PAK5: variants seen among roughly 807,000 people sequenced by gnomAD.
PAK5 encodes serine/threonine-protein kinase PAK 5.
A neutral mutation model predicts 65.9 loss-of-function variants in PAK5; 16 were observed. That is an observed-to-expected ratio of 0.24 (90% CI 0.16 to 0.37). PAK5 has a LOEUF of 0.37. Ranked by LOEUF, PAK5 falls within the 10% of genes least tolerant of loss-of-function variation. The pLI is 1.00. For synonymous variants in PAK5, 371 were observed against 354.9 expected (o/e 1.05, Z -0.51); for missense variants, 785 against 903.9 (o/e 0.87, Z 1.69).
intron 1 of PAK5, among the ~76,000 whole-genome samples, chr20:9,800,621 C>A (rs972209639): frequency 1.2e-4 from 19 of 152,048 alleles, no homozygotes; most frequent in African/African-American, 4.3e-4. Flanking sequence ...TTCATTGTGA[C>A]TGTTTTGGTA....
chr20:9,678,936 T>A (rs1249628728), intron 2 of PAK5, among the ~76,000 whole-genome samples: 1 of 152,130 alleles, frequency 6.6e-6, no homozygotes, highest in Admixed American at 6.5e-5. Flanking sequence ...AAGCCTTAGC[T>A]GATATTCCCA....
chr20:9,694,213 C>T (rs932787646), intron 2 of PAK5, among the ~76,000 whole-genome samples: 4 of 151,806 alleles, frequency 2.6e-5, no homozygotes, highest in African/African-American at 9.7e-5. Flanking sequence ...TTCTGAAGGT[C>T]AATTGCAAAC....
intron 1 of PAK5, among the ~76,000 whole-genome samples, chr20:9,797,679 G>GA (rs145184687): frequency 3.9e-4 from 56 of 143,864 alleles, no homozygotes; most frequent in South Asian, 2.8e-3. Flanking sequence ...AAGAGCACAA[G>GA]AAAAAAAAAA....
At chr20:9,611,578 C>T (rs2046561003) in intron 3 of PAK5, among the ~76,000 whole-genome samples, 1 of 152,220 alleles carries the variant, frequency 6.6e-6, no homozygotes, top group African/African-American at 2.4e-5. Context: ...AAGGTCTAGT[C>T]ACCCCTTTGA....
At chr20:9,826,249 T>C (rs901717545) in intron 1 of PAK5, among the ~76,000 whole-genome samples, 1 of 152,182 alleles carries the variant, frequency 6.6e-6, no homozygotes, top group East Asian at 1.9e-4. Context: ...ACAGAACACA[T>C]CTATACCACA....
chr20:9,781,886 C>T (rs1453949125), intron 1 of PAK5, among the ~76,000 whole-genome samples: 1 of 152,128 alleles, frequency 6.6e-6, no homozygotes, highest in Non-Finnish European at 1.5e-5. Flanking sequence ...GAACAGGTCT[C>T]TTAGTTTCTC....
intron 2 of PAK5, among the ~76,000 whole-genome samples, chr20:9,686,103 C>A (rs1293902872): frequency 6.6e-6 from 1 of 152,182 alleles, no homozygotes; most frequent in Non-Finnish European, 1.5e-5. Flanking sequence ...TTTCTAAATT[C>A]TTCAGTAATA....
At chr20:9,758,206 C>T (rs544078656) in intron 1 of PAK5, among the ~76,000 whole-genome samples, 2 of 152,278 alleles carry the variant, frequency 1.3e-5, no homozygotes, top group African/African-American at 4.8e-5. Flanking sequence ...AATAGTGTTG[C>T]TAAGTCATTT....
intron 1 of PAK5, among the ~76,000 whole-genome samples, chr20:9,830,510 G>T (rs1311388611): frequency 6.6e-6 from 1 of 152,202 alleles, no homozygotes; most frequent in Non-Finnish European, 1.5e-5. Context: ...TGGGCTTGCT[G>T]AATGTAAGAT....
intron 3 of PAK5, among the ~76,000 whole-genome samples, chr20:9,620,982 A>C (rs914662860): frequency 2.4e-4 from 37 of 151,856 alleles, no homozygotes; most frequent in African/African-American, 8.7e-4. Flanking sequence ...AGAGAGAGAG[A>C]GAGAACAATG....
At chr20:9,698,367 A>T (rs563141168) in intron 2 of PAK5, among the ~76,000 whole-genome samples, 1 of 152,292 alleles carries the variant, frequency 6.6e-6, no homozygotes, top group African/African-American at 2.4e-5. Flanking sequence ...GAAAGAGAGG[A>T]TAGTATAAAT....
At chr20:9,820,855 G>A (rs977335345) in intron 1 of PAK5, among the ~76,000 whole-genome samples, 1 of 119,502 alleles carries the variant, frequency 8.4e-6, no homozygotes, top group Non-Finnish European at 1.8e-5. Flanking sequence ...GAGCAGAACT[G>A]TAACACTCAG....
chr20:9,545,748 G>A (rs1321079435), intron 7 of PAK5, among the ~76,000 whole-genome samples: 1 of 152,026 alleles, frequency 6.6e-6, no homozygotes, highest in East Asian at 1.9e-4. Context: ...TTTCCAACTA[G>A]TGTATATTTC....
At chr20:9,632,457 T>A (rs180801350) in intron 3 of PAK5, among the ~76,000 whole-genome samples, 1 of 152,324 alleles carries the variant, frequency 6.6e-6, no homozygotes, top group Admixed American at 6.5e-5. Context: ...TCTGCCTAAC[T>A]CACTTGAGAA....
At chr20:9,728,038 T>G (rs986807390) in intron 1 of PAK5, among the ~76,000 whole-genome samples, 1 of 151,974 alleles carries the variant, frequency 6.6e-6, no homozygotes, top group Non-Finnish European at 1.5e-5. Context: ...CCCCAAAAAT[T>G]TATATGTTGG....
rs370766625 is a variant in PAK5 at position 9,787,988 on chromosome 20, G to GT, written c.-162+50773_-162+50774insA. On this transcript the variant is annotated intron_variant, in intron 1 of 9. Transcript: ENST00000353224. The stretch of plus-strand genomic sequence containing the variant: ...GCCCATGTGTCTGTGTGTGTTGGGG[G>GT]GGGTATGTGTGAGTACCCATATACA... 1.2e-4 allele frequency among the ~76,000 whole-genome samples: 18 copies of GT among 151,372 alleles called. No individual in the cohort carries two copies. In the South Asian group the frequency reaches 1.5e-3, roughly 12 times the overall value.
At chr20:9,834,929 T>C in intron 1 of PAK5, among the ~76,000 whole-genome samples, 1 of 152,210 alleles carries the variant, frequency 6.6e-6, no homozygotes. Flanking sequence ...GAATATTTAT[T>C]GACTGATTGA....
intron 2 of PAK5, among the ~76,000 whole-genome samples, chr20:9,664,124 T>C (rs938189519): frequency 2.0e-5 from 3 of 152,184 alleles, no homozygotes; most frequent in Non-Finnish European, 4.4e-5. Context: ...GATTACACTG[T>C]ACCATAGAAA....
intron 2 of PAK5, among the ~76,000 whole-genome samples, chr20:9,673,743 T>C (rs73241002): frequency 2.3e-3 from 344 of 152,222 alleles, no homozygotes; most frequent in African/African-American, 8.0e-3. Flanking sequence ...GTATACTGTA[T>C]TATAGTTTTT....
Sources: allele counts gnomAD v4.1 joint callset (sites outside exome capture counted in the v4.1 genomes callset), GRCh38; gene constraint gnomAD v4.1.1; transcripts MANE v1.5; gene names NCBI Gene and HGNC (gene_info 2026-07-23, HGNC 2026-07-21).